Variants in CTIF observed in about 807,000 individuals in gnomAD.
The protein encoded by CTIF is cap binding complex dependent translation initiation factor.
CTIF carries 21 observed loss-of-function variants against 66.0 expected under a neutral mutation model. That is an observed-to-expected ratio of 0.32 (90% CI 0.23 to 0.46). The LOEUF is 0.46. CTIF is among the 20% of genes least tolerant of loss of function. The probability of loss-of-function intolerance (pLI) is 1.00; values close to 1 mark genes in which losing one functional copy is unlikely to be tolerated. For synonymous variants in CTIF, 345 were observed against 326.4 expected (o/e 1.06, Z -0.62); for missense variants, 739 against 812.7 (o/e 0.91, Z 1.10).
At position 48,619,754 on chromosome 18, in the gene CTIF, G is replaced by T. The variant is rs369061064; in HGVS notation, c.180+9G>T. On this transcript the variant is annotated intron_variant, in intron 2 of 11. Coordinates refer to ENST00000256413, the MANE Select transcript of CTIF (RefSeq NM_014772.3). ...AGTCCCACATCTCCCAGGTGAGCGC[G>T]GGCCCGGGGTTGGGGCAGCTTGGGA... is the stretch of plus-strand genomic sequence containing the variant. The T allele has an allele frequency of 6.4e-7, 1 of 1,553,752 alleles. No homozygotes were observed. The highest frequency in any genetic ancestry group is 2.4e-5 in the East Asian group (1 of 42,364).
At chr18:48,777,227 C>T (rs1313441046) in intron 9 of CTIF, among the ~76,000 whole-genome samples, 1 of 152,242 alleles carries the variant, frequency 6.6e-6, no homozygotes, top group Non-Finnish European at 1.5e-5. Flanking sequence ...GCGGCAGCAC[C>T]TGCTGGGTGG....
chr18:48,736,102 G>T (rs2092500268), intron 7 of CTIF, among the ~76,000 whole-genome samples: 1 of 152,078 alleles, frequency 6.6e-6, no homozygotes, highest in Non-Finnish European at 1.5e-5. Context: ...GCCGCCTCTG[G>T]GTGCGAGCAT....
intron 9 of CTIF, among the ~76,000 whole-genome samples, chr18:48,811,874 A>T (rs2068264963): frequency 6.6e-6 from 1 of 152,146 alleles, no homozygotes; most frequent in Non-Finnish European, 1.5e-5. Context: ...TCTCTTTGAA[A>T]TCCTGATTTC....
At chr18:48,599,515 A>G (rs1230869512) in intron 1 of CTIF, among the ~76,000 whole-genome samples, 1 of 152,186 alleles carries the variant, frequency 6.6e-6, no homozygotes, top group Non-Finnish European at 1.5e-5. Context: ...GGTCTATTAA[A>G]AATTGTGTTT....
chr18:48,812,390 T>G (rs1240325633), intron 9 of CTIF, among the ~76,000 whole-genome samples: 1 of 152,228 alleles, frequency 6.6e-6, no homozygotes, highest in Non-Finnish European at 1.5e-5. Flanking sequence ...AGGTTTGTTC[T>G]TTTCCCTTCA....
chr18:48,555,689 C>T (rs1377621974), intron 1 of CTIF, among the ~76,000 whole-genome samples: 1 of 152,212 alleles, frequency 6.6e-6, no homozygotes, highest in Non-Finnish European at 1.5e-5. Context: ...TGGTGCTCAC[C>T]TTTGCCCAGT....
intron 10 of CTIF, among the ~76,000 whole-genome samples, chr18:48,817,730 C>T (rs940803039): frequency 2.2e-4 from 34 of 151,234 alleles, no homozygotes; most frequent in African/African-American, 3.4e-4. Flanking sequence ...GAGCCGAGAT[C>T]GCACACTGCA....
chr18:48,727,296 G>T (rs923298766), intron 7 of CTIF, among the ~76,000 whole-genome samples: 9 of 152,186 alleles, frequency 5.9e-5, no homozygotes, highest in African/African-American at 2.2e-4. Flanking sequence ...CTACAAGGCT[G>T]TCTCCGCCCT....
At chr18:48,624,053 CTTGACACCACGCCCCTCCCCATGT>C (rs2090548156) in intron 2 of CTIF, among the ~76,000 whole-genome samples, 22 of 149,382 alleles carry the variant, frequency 1.5e-4, no homozygotes, top group African/African-American at 3.2e-4. Flanking sequence ...TCTCCCCATG[CTTGACACCACGCCCCTCCCCATGT>C]TTGACACCAC....
At chr18:48,710,926 T>C (rs1300911425) in intron 6 of CTIF, among the ~76,000 whole-genome samples, 2 of 152,128 alleles carry the variant, frequency 1.3e-5, no homozygotes, top group African/African-American at 4.8e-5. Context: ...GAGCCGTGTT[T>C]GTACCACAGC....
At chr18:48,571,311 C>G (rs1456916420) in intron 1 of CTIF, among the ~76,000 whole-genome samples, 2 of 152,112 alleles carry the variant, frequency 1.3e-5, no homozygotes, top group African/African-American at 4.8e-5. Flanking sequence ...CAGGCGCCAC[C>G]ACGCCCGGCT....
intron 10 of CTIF, among the ~76,000 whole-genome samples, chr18:48,825,215 GC>G (rs1191232614): frequency 1.3e-5 from 2 of 151,962 alleles, no homozygotes; most frequent in East Asian, 3.9e-4. Flanking sequence ...CCCTCTGGTT[GC>G]CCCCTGGCTC....
At chr18:48,594,105 GCAGA>G (rs2089945376) in intron 1 of CTIF, among the ~76,000 whole-genome samples, 1 of 149,400 alleles carries the variant, frequency 6.7e-6, no homozygotes, top group Admixed American at 6.7e-5. Context: ...GCAATGTGCA[GCAGA>G]CAGTTTCTTT....
At chr18:48,848,616 G>A (rs1183080822) in intron 10 of CTIF, among the ~76,000 whole-genome samples, 8 of 152,188 alleles carry the variant, frequency 5.3e-5, no homozygotes, top group Middle Eastern at 3.2e-3. Context: ...CCTGCACAGC[G>A]AGGCTGCCCC....
At chr18:48,581,717 A>G (rs972210777) in intron 1 of CTIF, among the ~76,000 whole-genome samples, 4 of 152,168 alleles carry the variant, frequency 2.6e-5, no homozygotes, top group African/African-American at 7.2e-5. Flanking sequence ...GAGAGCTAGC[A>G]TGAGTATCTG....
At chr18:48,570,709 G>A (rs754115189) in intron 1 of CTIF, among the ~76,000 whole-genome samples, 6 of 152,172 alleles carry the variant, frequency 3.9e-5, no homozygotes, top group Non-Finnish European at 5.9e-5. Flanking sequence ...TGGGAGAGGC[G>A]TGCTTAAGGC....
chr18:48,713,688 G>T (rs746596579), intron 7 of CTIF, among the ~76,000 whole-genome samples: 1 of 152,150 alleles, frequency 6.6e-6, no homozygotes, highest in Non-Finnish European at 1.5e-5. Flanking sequence ...AGGCCGGAGG[G>T]AAGGAACATC....
chr18:48,815,426 A>G (rs1301143550), intron 9 of CTIF, among the ~76,000 whole-genome samples: 1 of 152,246 alleles, frequency 6.6e-6, no homozygotes, highest in African/African-American at 2.4e-5. Context: ...CATTGTGATA[A>G]CTATGTAAAA....
intron 9 of CTIF, among the ~76,000 whole-genome samples, chr18:48,792,512 T>C (rs1242349806): frequency 6.6e-6 from 1 of 152,166 alleles, no homozygotes; most frequent in Non-Finnish European, 1.5e-5. Context: ...GATACCAGCC[T>C]GGAGCCTTTA....
Sources: gnomAD v4.1 joint callset for allele counts (sites outside exome capture counted in the v4.1 genomes callset) on GRCh38, gnomAD v4.1.1 for gene constraint, MANE v1.5 for transcripts, NCBI Gene and HGNC (gene_info 2026-07-23, HGNC 2026-07-21) for gene names.